The following GNAT3 variants were observed in gnomAD, a reference collection of about 807,000 sequenced individuals.
The protein encoded by GNAT3 is guanine nucleotide-binding protein G(t) subunit alpha-3.
Under a neutral mutation model 37.7 loss-of-function variants are expected in GNAT3, and 31 were observed. The observed-to-expected ratio is 0.82, with a 90% confidence interval of 0.62 to 1.11. GNAT3 has a LOEUF of 1.11. Ranked by LOEUF, GNAT3 falls within the 50% of genes most tolerant of loss-of-function variation. The pLI is 0.00. For synonymous variants in GNAT3, 138 were observed against 139.8 expected (o/e 0.99, Z 0.09); for missense variants, 437 against 412.5 (o/e 1.06, Z -0.51).
At chr7:80,479,947 T>A (rs1401369423) in intron 3 of GNAT3, among the ~76,000 whole-genome samples, 1 of 152,110 alleles carries the variant, frequency 6.6e-6, no homozygotes, top group Non-Finnish European at 1.5e-5. Flanking sequence ...GAGTTTTTTA[T>A]GCAAAGCAAG....
chr7:80,483,735 G>A (rs1562726184), intron 3 of GNAT3, among the ~76,000 whole-genome samples: 1 of 151,792 alleles, frequency 6.6e-6, no homozygotes, highest in Non-Finnish European at 1.5e-5. Flanking sequence ...TTGCCTCCAT[G>A]TCCTTCGGTG....
intron 7 of GNAT3, among the ~76,000 whole-genome samples, chr7:80,461,498 C>T (rs943229049): frequency 2.1e-4 from 32 of 151,808 alleles, no homozygotes; most frequent in African/African-American, 5.6e-4. Flanking sequence ...ACAGCCTGAG[C>T]GACAGAGCGA....
chr7:80,496,210 A>G (rs1790712816), intron 1 of GNAT3, among the ~76,000 whole-genome samples: 1 of 152,050 alleles, frequency 6.6e-6, no homozygotes, highest in Admixed American at 6.5e-5. Flanking sequence ...TGCTCACTGC[A>G]ACCTTTGCCT....
At chr7:80,487,720 A>G (rs1420644336) in intron 3 of GNAT3, 3 of 152,084 alleles carry the variant, frequency 2.0e-5, no homozygotes, top group South Asian at 2.1e-4. Flanking sequence ...TAGGCATTCA[A>G]CTGGCATCCT....
At chr7:80,488,444 A>G (rs1319444297) in intron 3 of GNAT3, 91 bp downstream of exon 3, 2 of 896,194 alleles carry the variant, frequency 2.2e-6, no homozygotes, top group Non-Finnish European at 3.2e-6. Context: ...AATTTTGGAT[A>G]TAGATTAATA....
chr7:80,465,154 T>C (rs1790111160), intron 5 of GNAT3, among the ~76,000 whole-genome samples: 1 of 152,184 alleles, frequency 6.6e-6, no homozygotes, highest in African/African-American at 2.4e-5. Context: ...AACTGTTTTG[T>C]TAGTCCATAA....
chr7:80,503,370 A>T (rs1790872170), intron 1 of GNAT3, among the ~76,000 whole-genome samples: 1 of 152,194 alleles, frequency 6.6e-6, no homozygotes, highest in South Asian at 2.1e-4. Flanking sequence ...ATTAACTTAA[A>T]ACTGACACAT....
chr7:80,508,084 T>C (rs1790983603), intron 1 of GNAT3, among the ~76,000 whole-genome samples: 1 of 151,758 alleles, frequency 6.6e-6, no homozygotes, highest in Non-Finnish European at 1.5e-5. Context: ...GAAAAGAACA[T>C]CTATGATGAA....
At chr7:80,490,079 A>C (rs984616661) in intron 2 of GNAT3, among the ~76,000 whole-genome samples, 1 of 152,120 alleles carries the variant, frequency 6.6e-6, no homozygotes, top group African/African-American at 2.4e-5. Context: ...GTTGGTTCTG[A>C]GGTCTGTTGA....
intron 1 of GNAT3, among the ~76,000 whole-genome samples, chr7:80,509,651 A>G (rs953595631): frequency 2.0e-5 from 3 of 152,038 alleles, no homozygotes; most frequent in African/African-American, 7.2e-5. Flanking sequence ...GGTCCCAGTC[A>G]ATGGCTCTGT....
Position 80,511,954 on chromosome 7 carries a change from A to G in GNAT3, c.-28T>C, listed in dbSNP as rs901005564. On this transcript the variant is annotated 5_prime_UTR_variant, in exon 1 of 8. Coordinates refer to ENST00000398291, the MANE Select transcript of GNAT3 (RefSeq NM_001102386.3). ...TGTGGTGGTAGATACTTGTCAGTTT[A>G]TATGTTCAGATTTTTCAAATGTTGA... 1 of 1,499,946 alleles carries G rather than the reference A, an allele frequency of 6.7e-7. No individual in the cohort carries two copies. Among genetic ancestry groups the G allele is most frequent in the Non-Finnish European group, 9.2e-7 (1 of 1,084,104 alleles). 92.9% of individuals were successfully genotyped at this position (1,499,946 alleles called of 1,614,324 possible). A position where few individuals can be genotyped will look rare whatever the true frequency, so the allele number is the denominator to read the frequency against.
At chr7:80,493,622 T>TC (rs1790639241) in intron 2 of GNAT3, among the ~76,000 whole-genome samples, 1 of 103,030 alleles carries the variant, frequency 9.7e-6, no homozygotes, top group East Asian at 2.6e-4. Flanking sequence ...TCCTCTTTCC[T>TC]CTTCCTCCTC....
intron 3 of GNAT3, among the ~76,000 whole-genome samples, chr7:80,480,205 C>CT (rs1285163324): frequency 6.6e-6 from 1 of 152,068 alleles, no homozygotes; most frequent in Non-Finnish European, 1.5e-5. Flanking sequence ...AAACTGATAT[C>CT]TTTTTTAGCT....
At chr7:80,472,999 C>T (rs1191596043) in intron 5 of GNAT3, among the ~76,000 whole-genome samples, 1 of 152,104 alleles carries the variant, frequency 6.6e-6, no homozygotes, top group African/African-American at 2.4e-5. Flanking sequence ...AATGTTTTCA[C>T]TGGCGTGGGA....
chr7:80,478,818 C>T, intron 4 of GNAT3, 23 bp downstream of exon 4: 1 of 1,603,458 alleles, frequency 6.2e-7, no homozygotes, highest in Non-Finnish European at 8.5e-7. Flanking sequence ...ACCTCCAATT[C>T]CCCTTAAAGT....
chr7:80,476,882 T>C lies in GNAT3; in HGVS notation c.461+1959A>G, dbSNP rs1790313009. On this transcript the variant is annotated intron_variant, in intron 4 of 7. Transcript: ENST00000398291. ...GAAAAAAAAAACCACTTTATTATTATTATTACTTTTTGTTTATGTATGAAA... is the reference window on the plus strand; with the variant it reads ...GAAAAAAAAAACCACTTTATTATTACTATTACTTTTTGTTTATGTATGAAA... 1.3e-5 allele frequency among the ~76,000 whole-genome samples: 2 copies of C among 152,072 alleles called. 1 individual carries two copies. Among genetic ancestry groups the C allele is most frequent in the Admixed American group, 1.3e-4 (2 of 15,266 alleles).
rs768027647 is a variant in GNAT3, at chr7:80,458,720, A to C, written c.1016T>G (p.Val339Gly). 2 of 1,596,522 alleles carry C rather than the reference A, an allele frequency of 1.3e-6. No homozygotes were observed. Among genetic ancestry groups the C allele is most frequent in the East Asian group, 2.2e-5 (1 of 44,480 alleles). ...ATTCTCTTTGATTATTATATCTGTA[A>C]CTGCGTCAAACACAAACTTGACATT... ...TQNVKFVFDA[V>G]TDIIIKENLK... is the part of the protein sequence containing the mutation. Residue 339 changes from valine (V) to glycine (G), a missense_variant, in exon 8 of 8, where the codon GTT becomes GGT. Val to Gly is a moderately radical substitution (Grantham distance 109). Transcript: ENST00000398291.
At position 80,474,314 on chromosome 7, in the gene GNAT3, T is replaced by C; in HGVS notation, c.527A>G (p.His176Arg). 6.3e-7 allele frequency: 1 copy of C among 1,579,184 alleles called. No individual in the cohort carries two copies. Among genetic ancestry groups the C allele is most frequent in the Middle Eastern group, 1.7e-4 (1 of 6,016 alleles). ...GATTCCAGTCGTTTTCACTCGAGAA[T>C]GGAGAACATCTTGTTCATTTGGCAC... ...GYVPNEQDVLHSRVKTTGIIE... is the reference protein window; with the variant it reads ...GYVPNEQDVLRSRVKTTGIIE... The change falls in exon 5 of 8, where the codon CAT becomes CGT. Residue 176 changes from histidine to arginine, a missense_variant. Physicochemically the swap from His to Arg is conservative, Grantham distance 29. Coordinates refer to ENST00000398291, the MANE Select transcript of GNAT3 (RefSeq NM_001102386.3).
In GNAT3 at chr7:80,474,246, C is replaced by A; in HGVS notation, c.590+5G>T. The A allele has an allele frequency of 1.2e-6, 2 of 1,603,650 alleles. No individual in the cohort carries two copies. The highest frequency in any genetic ancestry group is 1.1e-5 in the South Asian group (1 of 89,232). On this transcript the variant is annotated splice_donor_5th_base_variant and intron_variant, in intron 5 of 7. Transcript: ENST00000398291. ...TCTACAGTTAGAAAAGATATTTGAT[C>A]ATACCTGAAGTGCAAGTCTTTAAAG...
Sources: allele counts gnomAD v4.1 joint callset (sites outside exome capture counted in the v4.1 genomes callset), GRCh38; gene constraint gnomAD v4.1.1; transcripts MANE v1.5; gene names NCBI Gene and HGNC (gene_info 2026-07-23, HGNC 2026-07-21).